GPR173: variants seen among roughly 807,000 people sequenced by gnomAD.
GPR173 encodes probable G protein-coupled receptor 173.
A neutral mutation model predicts 13.9 loss-of-function variants in GPR173; 2 were observed. The ratio of observed to expected loss-of-function variants is 0.14; its 90% CI spans 0.06 to 0.45. The LOEUF is 0.45. Ranked by LOEUF, GPR173 falls within the 20% of genes least tolerant of loss-of-function variation. The pLI, the probability that GPR173 is intolerant of heterozygous loss-of-function variation, is 0.98. For synonymous variants in GPR173, 131 were observed against 141.0 expected (o/e 0.93, Z 0.50); for missense variants, 202 against 340.5 (o/e 0.59, Z 3.20).
At position 53,079,589 on chromosome X, in the gene GPR173, CTG is replaced by C. The variant is rs111320267; in HGVS notation, c.*1861_*1862del. The C allele has an allele frequency of 1.8e-3, 211 of 116,670 alleles. No homozygotes were observed. The highest frequency in any genetic ancestry group is 1.6e-3 in the Non-Finnish European group (83 of 52,074). 9.6% of individuals were successfully genotyped at this position (116,670 alleles called of 1,213,427 possible). ...TATACTGGATGTTTTCTCTTTCTGA[CTG>C]TGTGTGTGTGTGTGCGTGCGTGCGT... On this transcript the variant is annotated 3_prime_UTR_variant, in exon 2 of 2. Transcript: ENST00000332582.
chrX:53,074,112 ATT>A (rs1228827418), intron 1 of GPR173, among the ~76,000 whole-genome samples: 1 of 5 alleles, frequency 0.2, no homozygotes, highest in Non-Finnish European at 0.33. Flanking sequence ...ATAAATATAC[ATT>A]TATATAAATA....
At chrX:53,054,185 G>A (rs1931999980) in intron 1 of GPR173, among the ~76,000 whole-genome samples, 1 of 109,559 alleles carries the variant, frequency 9.1e-6, no homozygotes, top group African/African-American at 3.4e-5. Context: ...TATATCTGGT[G>A]AGAGAGAAAG....
chrX:53,063,761 C>T (rs182646938), intron 1 of GPR173, among the ~76,000 whole-genome samples: 5 of 111,731 alleles, frequency 4.5e-5, no homozygotes, highest in East Asian at 2.8e-4. Flanking sequence ...GACATGAACA[C>T]GATTCTGCCA....
chrX:53,074,006 T>TTTATATATAAATAAATATAAATATATA lies in GPR173; in HGVS notation c.-97-2518_-97-2517insTATATATAAATAAATATAAATATATAT, dbSNP rs1556805258. Among the ~76,000 whole-genome samples the TTTATATATAAATAAATATAAATATATA allele has an allele frequency of 1.3e-3, 27 of 20,690 alleles. 1 individual carries two copies. The highest frequency in any genetic ancestry group is 0.01 in the African/African-American group (18 of 1,779). 18.0% of individuals were successfully genotyped at this position (20,690 alleles called of 115,157 possible). On this transcript the variant is annotated intron_variant, in intron 1 of 1. Transcript: ENST00000332582. ...ATATATAAATATACATAAATATATA[T>TTTATATATAAATAAATATAAATATATA]TATACATAAATATATATTTATATAT...
chrX:53,076,179 G>A (rs901633542), intron 1 of GPR173, among the ~76,000 whole-genome samples: 11 of 110,950 alleles, frequency 9.9e-5, no homozygotes, highest in Non-Finnish European at 2.1e-4. Flanking sequence ...CATAATTGGG[G>A]AGGGCTCGTA....
chrX:53,067,547 G>C (rs782633468), intron 1 of GPR173, among the ~76,000 whole-genome samples: 2 of 112,091 alleles, frequency 1.8e-5, no homozygotes, highest in Non-Finnish European at 3.8e-5. Context: ...ACACTCTGGC[G>C]GGGCGCGGTG....
intron 1 of GPR173, among the ~76,000 whole-genome samples, chrX:53,068,426 C>T (rs1397326481): frequency 9.1e-6 from 1 of 109,745 alleles, no homozygotes; most frequent in African/African-American, 3.3e-5. Flanking sequence ...ATAAGACAGC[C>T]CTCCTATTTT....
At chrX:53,054,500 T>C (rs1245695754) in intron 1 of GPR173, among the ~76,000 whole-genome samples, 1 of 104,327 alleles carries the variant, frequency 9.6e-6, no homozygotes, top group African/African-American at 3.5e-5. Flanking sequence ...CGAGACTCCA[T>C]CTAAAAAAAA....
chrX:53,065,359 A>G (rs1258817743), intron 1 of GPR173: 1 of 112,020 alleles, frequency 8.9e-6, no homozygotes, highest in Non-Finnish European at 1.9e-5. Context: ...GCTGACCTCA[A>G]AAACACAAGC....
intron 1 of GPR173, among the ~76,000 whole-genome samples, chrX:53,059,570 T>C (rs1398616980): frequency 1.1e-4 from 12 of 109,296 alleles, no homozygotes; most frequent in African/African-American, 3.3e-4. Context: ...GGTGGGCGGA[T>C]TGCTTGAGCC....
At chrX:53,072,859 G>A (rs782540812) in intron 1 of GPR173, among the ~76,000 whole-genome samples, 2 of 111,777 alleles carry the variant, frequency 1.8e-5, no homozygotes, top group South Asian at 7.4e-4. Flanking sequence ...TTTCTGCTCA[G>A]CCCCTGCCCT....
chrX:53,057,926 C>G (rs1932062273), intron 1 of GPR173, among the ~76,000 whole-genome samples: 2 of 112,285 alleles, frequency 1.8e-5, no homozygotes, highest in African/African-American at 6.5e-5. Context: ...TAGTATGTGT[C>G]CATCTGCAAG....
Position 53,079,713 on chromosome X carries a change from G to T in GPR173, c.*1970G>T, listed in dbSNP as rs1314982137. 8.3e-6 allele frequency: 1 copy of T among 121,105 alleles called. No individual in the cohort carries two copies. The highest frequency in any genetic ancestry group is 2.9e-4 in the East Asian group (1 of 3,493). 10.0% of individuals were successfully genotyped at this position (121,105 alleles called of 1,213,427 possible). A position where few individuals can be genotyped will look rare whatever the true frequency, so the allele number is the denominator to read the frequency against. On this transcript the variant is annotated 3_prime_UTR_variant, in exon 2 of 2. Coordinates refer to ENST00000332582, the MANE Select transcript of GPR173 (RefSeq NM_018969.6). Reference sequence around the variant, plus strand: ...GGGGAGGCACTCCTGAAGAAAACTTGCCCGGTGCACACACGTAAAATGCCT... The same window carrying T: ...GGGGAGGCACTCCTGAAGAAAACTTTCCCGGTGCACACACGTAAAATGCCT...
Position 53,079,711 on chromosome X carries a change from T to C in GPR173, c.*1968T>C, listed in dbSNP as rs1932505318. The C allele has an allele frequency of 8.3e-6, 1 of 120,736 alleles. No homozygotes were observed. The highest frequency in any genetic ancestry group is 3.3e-5 in the African/African-American group (1 of 29,866). The allele number at this position is 120,736 out of a possible 1,213,427, so 10.0% of individuals were successfully genotyped here. A position where few individuals can be genotyped will look rare whatever the true frequency, so the allele number is the denominator to read the frequency against. ...GTGGGGAGGCACTCCTGAAGAAAAC[T>C]TGCCCGGTGCACACACGTAAAATGC... On this transcript the variant is annotated 3_prime_UTR_variant, in exon 2 of 2. Transcript: ENST00000332582.
At chrX:53,074,114 T>TTATATATAAATATATAAATATACATTTA (rs782820134) in intron 1 of GPR173, among the ~76,000 whole-genome samples, 2 of 15,992 alleles carry the variant, frequency 1.3e-4, no homozygotes, top group Non-Finnish European at 1.7e-4. Context: ...AAATATACAT[T>TTATATATAAATATATAAATATACATTTA]TATATAAATA....
At chrX:53,063,929 T>C (rs782447499) in intron 1 of GPR173, among the ~76,000 whole-genome samples, 23 of 111,637 alleles carry the variant, frequency 2.1e-4, no homozygotes, top group Non-Finnish European at 3.4e-4. Context: ...CCTTAGGGAT[T>C]ACTTAAGTGG....
rs1208980122 is a variant in GPR173 at position 53,049,256 on chromosome X, G to C, written c.-326G>C. ...CCCCAAGGCTGTGTGCTGCCCACCTGGTGTTCCCCAACACCCCCAGCCCTA... is the reference window on the plus strand; with the variant it reads ...CCCCAAGGCTGTGTGCTGCCCACCTCGTGTTCCCCAACACCCCCAGCCCTA... On this transcript the variant is annotated 5_prime_UTR_variant, in exon 1 of 2. Transcript: ENST00000332582. 2 of 111,782 alleles carry C rather than the reference G, an allele frequency of 1.8e-5. No homozygotes were observed. Among genetic ancestry groups the C allele is most frequent in the Non-Finnish European group, 3.8e-5 (2 of 53,082 alleles). The allele number at this position is 111,782 out of a possible 1,213,427, so 9.2% of individuals were successfully genotyped here.
chrX:53,073,802 T>A (rs1249073380), intron 1 of GPR173, among the ~76,000 whole-genome samples: 1 of 75,927 alleles, frequency 1.3e-5, no homozygotes, highest in African/African-American at 5.0e-5. Flanking sequence ...TTTTATATAT[T>A]TAAAAAATTT....
intron 1 of GPR173, among the ~76,000 whole-genome samples, chrX:53,072,766 TAC>T (rs1556804926): frequency 1.8e-5 from 2 of 111,550 alleles, no homozygotes; most frequent in African/African-American, 3.3e-5. Context: ...TGTGTGTGTT[TAC>T]ATTCACCCAG....
Sources: gnomAD v4.1 joint callset for allele counts (sites outside exome capture counted in the v4.1 genomes callset) on GRCh38, gnomAD v4.1.1 for gene constraint, MANE v1.5 for transcripts, NCBI Gene and HGNC (gene_info 2026-07-23, HGNC 2026-07-21) for gene names.